POU2AF1: variants seen among roughly 807,000 people sequenced by gnomAD.
POU2AF1 encodes POU domain class 2-associating factor 1.
In POU2AF1, 12 loss-of-function variants were observed where a neutral mutation model predicts 26.3. That is an observed-to-expected ratio of 0.46 (90% confidence interval 0.29 to 0.74). The LOEUF is 0.74. Ranked by LOEUF, POU2AF1 falls within the 30% of genes least tolerant of loss-of-function variation. POU2AF1 has a pLI of 0.09. For synonymous variants in POU2AF1, 175 were observed against 148.0 expected (o/e 1.18, Z -1.32); for missense variants, 297 against 334.5 (o/e 0.89, Z 0.87).
chr11:111,376,667 G>A (rs958007040), intron 1 of POU2AF1, among the ~76,000 whole-genome samples: 2 of 152,100 alleles, frequency 1.3e-5, no homozygotes, highest in Non-Finnish European at 2.9e-5. Flanking sequence ...GAACCCCATA[G>A]TACAGTCATT....
chr11:111,356,439 G>C (rs1860847353), intron 4 of POU2AF1, among the ~76,000 whole-genome samples: 1 of 152,200 alleles, frequency 6.6e-6, no homozygotes, highest in South Asian at 2.1e-4. Context: ...GGACCCTGGA[G>C]GGAAATGGAA....
chr11:111,377,255 C>A (rs1861326449), intron 1 of POU2AF1, among the ~76,000 whole-genome samples: 1 of 151,434 alleles, frequency 6.6e-6, no homozygotes, highest in African/African-American at 2.4e-5. Flanking sequence ...TGGCGGGCAC[C>A]TGTAGTCCCA....
intron 1 of POU2AF1, among the ~76,000 whole-genome samples, chr11:111,375,187 C>A (rs1286607408): frequency 1.3e-5 from 2 of 152,106 alleles, no homozygotes; most frequent in Non-Finnish European, 2.9e-5. Context: ...TTCCCTAATA[C>A]AAACAACAAC....
intron 1 of POU2AF1, among the ~76,000 whole-genome samples, chr11:111,361,854 C>T (rs997006079): frequency 1.3e-5 from 2 of 152,156 alleles, no homozygotes; most frequent in African/African-American, 2.4e-5. Flanking sequence ...ATGTGAGCTC[C>T]GATTATCATG....
At chr11:111,360,136 G>A (rs781263854) in intron 1 of POU2AF1, 53 of 475,366 alleles carry the variant, frequency 1.1e-4, no homozygotes, top group Non-Finnish European at 1.3e-4. Context: ...AGCCGTGGCT[G>A]GGAAGCAACA....
chr11:111,357,144 A>C (rs1248430563), intron 4 of POU2AF1, among the ~76,000 whole-genome samples: 1 of 152,132 alleles, frequency 6.6e-6, no homozygotes, highest in East Asian at 1.9e-4. Flanking sequence ...AAAAACTTCA[A>C]CTCAGAACCA....
chr11:111,358,422 T>TCTCTCA (rs1565360805), intron 2 of POU2AF1, among the ~76,000 whole-genome samples: 2 of 59,052 alleles, frequency 3.4e-5, no homozygotes, highest in African/African-American at 1.1e-4. Flanking sequence ...ACACACACGC[T>TCTCTCA]CACACTCTCA....
intron 1 of POU2AF1, chr11:111,363,471 G>A: frequency 9.9e-7 from 1 of 1,010,388 alleles, no homozygotes; most frequent in Non-Finnish European, 1.2e-6. Flanking sequence ...TAATTCCACA[G>A]TAAACACTGA....
At chr11:111,359,966 C>T in intron 1 of POU2AF1, 1 of 519,022 alleles carries the variant, frequency 1.9e-6, no homozygotes, top group Non-Finnish European at 3.8e-6. Flanking sequence ...GGACAATTAC[C>T]CAAGGGTGAT....
At chr11:111,361,203 C>T (rs1019971149) in intron 1 of POU2AF1, among the ~76,000 whole-genome samples, 8 of 151,884 alleles carry the variant, frequency 5.3e-5, no homozygotes, top group Non-Finnish European at 7.4e-5. Flanking sequence ...TGCAGTCTAA[C>T]GGGGAAGACA....
chr11:111,359,441 C>T (rs1565361771), intron 1 of POU2AF1: 1 of 185,774 alleles, frequency 5.4e-6, no homozygotes, highest in Non-Finnish European at 1.1e-5. Context: ...GATTAGTATT[C>T]ATCATAGGTG....
In POU2AF1 at chr11:111,354,028, T is replaced by C. The variant is rs1591186993; in HGVS notation, c.*233A>G. On this transcript the variant is annotated 3_prime_UTR_variant, in exon 5 of 5. Coordinates refer to ENST00000393067, the MANE Select transcript of POU2AF1 (RefSeq NM_006235.3). ...GGAGGGAGGAAAAGGAAGGAAGGGG[T>C]TGGAAAGGAAGAAGGGAGGGAGGGG... is the stretch of plus-strand genomic sequence containing the variant. 8.1e-6 allele frequency: 3 copies of C among 372,140 alleles called. No individual in the cohort carries two copies. The highest frequency in any genetic ancestry group is 1.3e-5 in the Non-Finnish European group (3 of 224,274). The allele number at this position is 372,140 out of a possible 1,614,324, so 23.1% of individuals were successfully genotyped here. A position where few individuals can be genotyped will look rare whatever the true frequency, so the allele number is the denominator to read the frequency against.
intron 1 of POU2AF1, among the ~76,000 whole-genome samples, chr11:111,378,102 G>A (rs1861344174): frequency 6.6e-6 from 1 of 152,168 alleles, no homozygotes; most frequent in African/African-American, 2.4e-5. Context: ...AATTGGTGAT[G>A]ACAGTGTCAC....
intron 1 of POU2AF1, among the ~76,000 whole-genome samples, chr11:111,377,621 A>G (rs1487203270): frequency 6.6e-6 from 1 of 152,156 alleles, no homozygotes; most frequent in Non-Finnish European, 1.5e-5. Context: ...CAAAAAACCT[A>G]AGGATTGAGA....
At chr11:111,368,312 G>T (rs1230753584) in intron 1 of POU2AF1, among the ~76,000 whole-genome samples, 1 of 152,102 alleles carries the variant, frequency 6.6e-6, no homozygotes, top group East Asian at 1.9e-4. Context: ...AGAGGGGCTG[G>T]TCTGGGGCCA....
At chr11:111,376,539 C>T (rs562979703) in intron 1 of POU2AF1, among the ~76,000 whole-genome samples, 1 of 152,310 alleles carries the variant, frequency 6.6e-6, no homozygotes, top group South Asian at 2.1e-4. Flanking sequence ...GGCTTTGTCA[C>T]TTTATGCTCT....
intron 1 of POU2AF1, among the ~76,000 whole-genome samples, chr11:111,364,551 A>T (rs1381933195): frequency 6.6e-6 from 1 of 152,196 alleles, no homozygotes; most frequent in Non-Finnish European, 1.5e-5. Context: ...AACTTTAAGA[A>T]AGCCCATGTC....
rs921153335 is a variant in POU2AF1, at chr11:111,379,242, C to T, written c.-65G>A. On this transcript the variant is annotated 5_prime_UTR_variant, in exon 1 of 5. Transcript: ENST00000393067. ...CAGTTTGGCTTCTTTAATGTGAGAC[C>T]GGGGTGTGTTTTCCTCCAGTGGAGC... 19 of 1,605,278 alleles carry T rather than the reference C, an allele frequency of 1.2e-5. No homozygotes were observed. The Admixed American group carries it at 2.5e-4, about 21-fold the overall frequency.
At chr11:111,374,250 G>T (rs1861267245) in intron 1 of POU2AF1, among the ~76,000 whole-genome samples, 1 of 151,086 alleles carries the variant, frequency 6.6e-6, no homozygotes, top group Non-Finnish European at 1.5e-5. Flanking sequence ...ATAAATATAA[G>T]GGGCAGGAAG....
Sources: gnomAD v4.1 joint callset for allele counts (sites outside exome capture counted in the v4.1 genomes callset) on GRCh38, gnomAD v4.1.1 for gene constraint, MANE v1.5 for transcripts, NCBI Gene and HGNC (gene_info 2026-07-23, HGNC 2026-07-21) for gene names.